UST: variants seen among roughly 807,000 people sequenced by gnomAD.
UST encodes chondroitin sulfate 2-O-sulfotransferase.
In UST, 21 loss-of-function variants were observed where a neutral mutation model predicts 45.6. That is an observed-to-expected ratio of 0.46 (90% confidence interval 0.33 to 0.66). The LOEUF (loss-of-function observed/expected upper bound fraction) is 0.66. UST is among the 30% of genes least tolerant of loss of function. The pLI is 0.02. For synonymous variants in UST, 215 were observed against 200.6 expected (o/e 1.07, Z -0.61); for missense variants, 463 against 512.4 (o/e 0.90, Z 0.93).
chr6:148,932,344 C>T (rs1225447571), intron 2 of UST, among the ~76,000 whole-genome samples: 1 of 152,104 alleles, frequency 6.6e-6, no homozygotes, highest in Non-Finnish European at 1.5e-5. Flanking sequence ...TGTGCTCCTG[C>T]ACTCCAGCCT....
At chr6:148,765,392 A>G (rs1776303173) in intron 1 of UST, among the ~76,000 whole-genome samples, 1 of 152,174 alleles carries the variant, frequency 6.6e-6, no homozygotes, top group Admixed American at 6.5e-5. Flanking sequence ...TTGAATTCAG[A>G]TAATGCTATC....
chr6:148,801,207 C>T (rs1288894004), intron 1 of UST, among the ~76,000 whole-genome samples: 1 of 152,028 alleles, frequency 6.6e-6, no homozygotes, highest in Non-Finnish European at 1.5e-5. Flanking sequence ...GGGGATTTTT[C>T]CCCCAGAGGT....
Position 148,964,423 on chromosome 6 carries a change from C to G in UST, c.541C>G (p.Gln181Glu). 1 of 1,614,132 alleles carries G rather than the reference C, an allele frequency of 6.2e-7. No homozygotes were observed. The highest frequency in any genetic ancestry group is 8.5e-7 in the Non-Finnish European group (1 of 1,180,030). The change falls in exon 5 of 8, where the codon CAG (glutamine) becomes GAG (glutamate). Residue 181 changes from glutamine to glutamate, a missense_variant. Coordinates refer to ENST00000367463, the MANE Select transcript of UST (RefSeq NM_005715.3). The stretch of plus-strand genomic sequence containing the variant: ...TGTTTGTGTTAGGTTTGGAGGAGAC[C>G]AGCCTGTCTACATCAACATCATTAG... ...FLNFSRFGGDQPVYINIIRDP... is the reference protein window; with the variant it reads ...FLNFSRFGGDEPVYINIIRDP...
At chr6:148,923,659 C>A (rs539745669) in intron 2 of UST, among the ~76,000 whole-genome samples, 23 of 152,260 alleles carry the variant, frequency 1.5e-4, no homozygotes, top group African/African-American at 5.3e-4. Flanking sequence ...GTAATCCCAG[C>A]ACTTTGGGAG....
intron 2 of UST, among the ~76,000 whole-genome samples, chr6:148,940,624 A>G (rs1200744227): frequency 6.6e-6 from 1 of 152,240 alleles, no homozygotes; most frequent in Non-Finnish European, 1.5e-5. Context: ...CAGTCCTTCA[A>G]AAAATTAAAC....
At chr6:148,914,266 A>G (rs1779538691) in intron 2 of UST, among the ~76,000 whole-genome samples, 1 of 152,020 alleles carries the variant, frequency 6.6e-6, no homozygotes, top group Non-Finnish European at 1.5e-5. Context: ...TAACTTTCAT[A>G]CTCTCATACG....
chr6:149,047,511 G>C (rs759315987), intron 7 of UST, among the ~76,000 whole-genome samples: 1 of 152,076 alleles, frequency 6.6e-6, no homozygotes, highest in Non-Finnish European at 1.5e-5. Context: ...AAGTCCTTTT[G>C]GCTCTCTGAA....
At chr6:148,979,368 A>T (rs1418484678) in intron 5 of UST, among the ~76,000 whole-genome samples, 1 of 152,212 alleles carries the variant, frequency 6.6e-6, no homozygotes, top group Non-Finnish European at 1.5e-5. Flanking sequence ...TGAGATACCC[A>T]TTTTACCTTG....
chr6:148,843,863 C>T (rs1388385734), intron 1 of UST, among the ~76,000 whole-genome samples: 1 of 152,138 alleles, frequency 6.6e-6, no homozygotes. Flanking sequence ...ATTTACAGCA[C>T]TTAGCATAAT....
intron 1 of UST, among the ~76,000 whole-genome samples, chr6:148,776,230 C>G (rs111500866): frequency 2.0e-5 from 3 of 152,342 alleles, no homozygotes; most frequent in African/African-American, 7.2e-5. Flanking sequence ...CTTCAGACCT[C>G]CAGTCCTGGT....
At chr6:148,963,889 C>T (rs1582928859) in intron 4 of UST, among the ~76,000 whole-genome samples, 1 of 152,314 alleles carries the variant, frequency 6.6e-6, no homozygotes, top group East Asian at 1.9e-4. Flanking sequence ...TGAAGACTGG[C>T]TGTTATTCAC....
intron 1 of UST, among the ~76,000 whole-genome samples, chr6:148,750,330 A>T (rs1359546373): frequency 6.6e-6 from 1 of 152,214 alleles, no homozygotes; most frequent in Non-Finnish European, 1.5e-5. Context: ...AACGTACTGA[A>T]TATTCTCATA....
In UST at chr6:149,021,384, C is replaced by T. The variant is rs1357981268; in HGVS notation, c.840C>T (p.Leu280=). 7 of 1,614,002 alleles carry T rather than the reference C, an allele frequency of 4.3e-6. No homozygotes were observed. The African/African-American group carries it at 8.0e-5, about 18-fold the overall frequency. Residue 280 remains leucine, a synonymous_variant, in exon 7 of 8, where the codon CTC becomes CTT. Transcript: ENST00000367463. ...AKLNVNENFL[L]VGILEELEDV... is the part of the protein sequence containing the mutation. Reference sequence around the variant, plus strand: ...TGAACGTGAATGAAAACTTCCTGCTCGTGGGGATTCTTGAAGAGTTGGAAG... The same window carrying T: ...TGAACGTGAATGAAAACTTCCTGCTTGTGGGGATTCTTGAAGAGTTGGAAG...
At chr6:148,757,145 A>G (rs1776116399) in intron 1 of UST, among the ~76,000 whole-genome samples, 1 of 152,234 alleles carries the variant, frequency 6.6e-6, no homozygotes. Flanking sequence ...CTACAGGCAC[A>G]AGCCATCATA....
chr6:149,016,376 T>C lies in UST; in HGVS notation c.682-2763T>C, dbSNP rs77982599. On this transcript the variant is annotated intron_variant, in intron 5 of 7. Coordinates refer to ENST00000367463, the MANE Select transcript of UST (RefSeq NM_005715.3). ...AGCTGATGCCCTCTGTCTACTCCTA[T>C]GAGCCCGGGGTTGCTGAGGACAAAA... 4.0e-3 allele frequency among the ~76,000 whole-genome samples: 604 copies of C among 152,348 alleles called. 5 individuals carry two copies. Among genetic ancestry groups the C allele is most frequent in the African/African-American group, 0.014 (573 of 41,592 alleles).
intron 1 of UST, among the ~76,000 whole-genome samples, chr6:148,751,525 A>C (rs1775992073): frequency 6.6e-6 from 1 of 152,322 alleles, no homozygotes; most frequent in Non-Finnish European, 1.5e-5. Context: ...GGAAAGGCAG[A>C]GTATGTTCTA....
chr6:148,820,968 C>CT (rs71007920), intron 1 of UST, among the ~76,000 whole-genome samples: 35,056 of 91,266 alleles, frequency 0.38, 9,928 homozygotes, highest in East Asian at 0.76. Context: ...TTTTTAATTC[C>CT]TTTTTTTTTT....
chr6:148,972,659 TGCTGTGAGCCCCGCCCCTC>T (rs1780940501), intron 5 of UST, among the ~76,000 whole-genome samples: 1 of 152,258 alleles, frequency 6.6e-6, no homozygotes, highest in African/African-American at 2.4e-5. Context: ...TGAGCTCATC[TGCTGTGAGCCCCGCCCCTC>T]GCTGTGAGTC....
intron 1 of UST, among the ~76,000 whole-genome samples, chr6:148,797,837 A>G (rs1562261176): frequency 6.6e-6 from 1 of 152,194 alleles, no homozygotes; most frequent in African/African-American, 2.4e-5. Flanking sequence ...CAACATGTCT[A>G]GAGCCTAGGG....
Sources: gnomAD v4.1 joint callset for allele counts (sites outside exome capture counted in the v4.1 genomes callset) on GRCh38, gnomAD v4.1.1 for gene constraint, MANE v1.5 for transcripts, NCBI Gene and HGNC (gene_info 2026-07-23, HGNC 2026-07-21) for gene names.